Variants in ST8SIA1 observed in about 807,000 individuals in gnomAD.
ST8SIA1 encodes ST8 alpha-N-acetyl-neuraminide alpha-2,8-sialyltransferase 1, also known as alpha-N-acetylneuraminide alpha-2,8-sialyltransferase.
A neutral mutation model predicts 35.9 loss-of-function variants in ST8SIA1; 16 were observed. The ratio of observed to expected loss-of-function variants is 0.45; its 90% CI spans 0.30 to 0.68. The LOEUF (loss-of-function observed/expected upper bound fraction) is 0.68, where lower values mean the gene tolerates loss of function less well. Among genes scored for constraint, ST8SIA1 ranks in the 30% least tolerant of loss-of-function variants. ST8SIA1 has a pLI of 0.09. For synonymous variants in ST8SIA1, 170 were observed against 169.6 expected (o/e 1.00, Z -0.02); for missense variants, 383 against 453.6 (o/e 0.84, Z 1.41).
At chr12:22,226,492 G>C (rs975573004) in intron 4 of ST8SIA1, among the ~76,000 whole-genome samples, 12 of 151,678 alleles carry the variant, frequency 7.9e-5, no homozygotes, top group Non-Finnish European at 1.6e-4. Context: ...AAAGCCTTAT[G>C]GCTGTTAAAA....
At chr12:22,255,825 T>G (rs910473310) in intron 2 of ST8SIA1, among the ~76,000 whole-genome samples, 3 of 152,208 alleles carry the variant, frequency 2.0e-5, no homozygotes, top group African/African-American at 7.2e-5. Flanking sequence ...TTCTGAACAT[T>G]TCCTTTGCTA....
At chr12:22,302,036 T>G (rs2135825576) in intron 1 of ST8SIA1, among the ~76,000 whole-genome samples, 1 of 152,282 alleles carries the variant, frequency 6.6e-6, no homozygotes, top group East Asian at 1.9e-4. Flanking sequence ...ATAAAGCAAA[T>G]CAGTCCTACC....
At chr12:22,273,858 C>T (rs1384621505) in intron 2 of ST8SIA1, among the ~76,000 whole-genome samples, 2 of 152,200 alleles carry the variant, frequency 1.3e-5, no homozygotes, top group African/African-American at 2.4e-5. Context: ...GAATTAAACA[C>T]TATCCCTGGA....
At chr12:22,292,398 A>G (rs2135819678) in intron 1 of ST8SIA1, among the ~76,000 whole-genome samples, 1 of 152,320 alleles carries the variant, frequency 6.6e-6, no homozygotes, top group African/African-American at 2.4e-5. Context: ...TATAAACTCC[A>G]TAAAGGCAGA....
intron 4 of ST8SIA1, among the ~76,000 whole-genome samples, chr12:22,244,280 G>A (rs989198165): frequency 2.0e-4 from 31 of 151,984 alleles, no homozygotes; most frequent in Non-Finnish European, 3.4e-4. Context: ...ATTATAAAGT[G>A]TATATCCATG....
At chr12:22,222,280 A>G (rs1865308549) in intron 4 of ST8SIA1, among the ~76,000 whole-genome samples, 1 of 152,192 alleles carries the variant, frequency 6.6e-6, no homozygotes, top group African/African-American at 2.4e-5. Context: ...TCGTTGTGCT[A>G]GATCACATGC....
chr12:22,330,252 T>G (rs1374689853), intron 1 of ST8SIA1, among the ~76,000 whole-genome samples: 1 of 152,234 alleles, frequency 6.6e-6, no homozygotes, highest in Non-Finnish European at 1.5e-5. Context: ...TGTCATGTTC[T>G]GGGAACATCC....
intron 2 of ST8SIA1, among the ~76,000 whole-genome samples, chr12:22,266,845 GTA>G (rs558529210): frequency 9.1e-6 from 1 of 109,406 alleles, no homozygotes; most frequent in Non-Finnish European, 1.9e-5. Flanking sequence ...ATACACAAAA[GTA>G]TACACACACA....
intron 1 of ST8SIA1, among the ~76,000 whole-genome samples, chr12:22,320,967 GA>G (rs757074532): frequency 1.3e-5 from 1 of 77,170 alleles, no homozygotes; most frequent in African/African-American, 5.9e-5. Context: ...GAGAAAGAAA[GA>G]AAGAAAGAAA....
intron 1 of ST8SIA1, among the ~76,000 whole-genome samples, chr12:22,301,972 A>G (rs1391180485): frequency 6.6e-6 from 1 of 152,202 alleles, no homozygotes; most frequent in Non-Finnish European, 1.5e-5. Flanking sequence ...TAAAAAGCCT[A>G]TGTGAAAGAT....
At chr12:22,298,662 A>G (rs1016745846) in intron 1 of ST8SIA1, among the ~76,000 whole-genome samples, 9 of 152,228 alleles carry the variant, frequency 5.9e-5, no homozygotes, top group Admixed American at 2.6e-4. Flanking sequence ...GATCATAGAC[A>G]TAAACAAAGC....
rs553934636 is a variant in ST8SIA1, at chr12:22,212,882, G to T, written c.585-10844C>A. 6.0e-4 allele frequency among the ~76,000 whole-genome samples: 91 copies of T among 152,186 alleles called. 1 individual carries two copies. Among genetic ancestry groups the T allele is most frequent in the African/African-American group, 2.1e-3 (88 of 41,512 alleles). ...TTCCCTAGATTGCTTTTCCATAACT[G>T]CTCACTGCTCAGGAATCATATAACC... On this transcript the variant is annotated intron_variant, in intron 4 of 4. Coordinates refer to ENST00000396037, the MANE Select transcript of ST8SIA1 (RefSeq NM_003034.4).
chr12:22,295,301 C>T (rs921350578), intron 1 of ST8SIA1, among the ~76,000 whole-genome samples: 6 of 152,096 alleles, frequency 3.9e-5, no homozygotes, highest in African/African-American at 1.4e-4. Flanking sequence ...TCTGTCTCCT[C>T]GTAGGGTCCT....
chr12:22,254,330 C>T (rs567798024), intron 3 of ST8SIA1, among the ~76,000 whole-genome samples: 109 of 152,226 alleles, frequency 7.2e-4, no homozygotes, highest in Non-Finnish European at 1.2e-3. Flanking sequence ...TCTTATTCCA[C>T]GTCTCCTTCA....
intron 2 of ST8SIA1, among the ~76,000 whole-genome samples, chr12:22,259,258 A>AC (rs1565579993): frequency 2.0e-5 from 3 of 151,066 alleles, no homozygotes; most frequent in Admixed American, 1.3e-4. Flanking sequence ...AGTAAATACC[A>AC]CCCCCCAAAG....
rs1261796383 is a variant in ST8SIA1, at chr12:22,201,200, AT to A, written c.*351del. ...CAATCAGCAACACTTTTACCCCAAC[AT>A]TTTCTTTGTTCTACCTTGATTGGTT... On this transcript the variant is annotated 3_prime_UTR_variant, in exon 5 of 5. Transcript: ENST00000396037. 1.1e-5 allele frequency: 2 copies of A among 174,974 alleles called. No homozygotes were observed. The highest frequency in any genetic ancestry group is 4.7e-5 in the African/African-American group (2 of 42,146). 10.8% of individuals were successfully genotyped at this position (174,974 alleles called of 1,614,324 possible).
chr12:22,313,041 C>T (rs541855171), intron 1 of ST8SIA1, among the ~76,000 whole-genome samples: 5 of 152,152 alleles, frequency 3.3e-5, no homozygotes, highest in African/African-American at 9.6e-5. Context: ...TCTATAAATG[C>T]GCTGGTAGAG....
intron 4 of ST8SIA1, among the ~76,000 whole-genome samples, chr12:22,215,183 T>G (rs1220417841): frequency 1.3e-5 from 2 of 152,172 alleles, no homozygotes; most frequent in Non-Finnish European, 2.9e-5. Context: ...AAACAAAAAT[T>G]TGCTCAAAAG....
At position 22,249,250 on chromosome 12, in the gene ST8SIA1, G is replaced by A. The variant is rs113140554; in HGVS notation, c.492-152C>T. On this transcript the variant is annotated intron_variant, in intron 3 of 4. Transcript: ENST00000396037. Reference sequence around the variant, plus strand: ...TTTTTTTTTTTTGAGATGGAGTCTCGCTCTGTTGCCCAGGCTGGAGTACAG... The same window carrying A: ...TTTTTTTTTTTTGAGATGGAGTCTCACTCTGTTGCCCAGGCTGGAGTACAG... The A allele has an allele frequency of 7.8e-3, 4,431 of 567,014 alleles. 182 individuals are homozygous for A. The African/African-American group carries it at 0.082, about 10-fold the overall frequency. 35.1% of individuals were successfully genotyped at this position (567,014 alleles called of 1,614,324 possible). A position where few individuals can be genotyped will look rare whatever the true frequency, so the allele number is the denominator to read the frequency against.
Sources: allele counts gnomAD v4.1 joint callset (sites outside exome capture counted in the v4.1 genomes callset), GRCh38; gene constraint gnomAD v4.1.1; transcripts MANE v1.5; gene names NCBI Gene and HGNC (gene_info 2026-07-23, HGNC 2026-07-21).